Variants in RIMS2 observed in about 807,000 individuals in gnomAD.
RIMS2 encodes the protein regulating synaptic membrane exocytosis 2.
In RIMS2, 59 loss-of-function variants were observed where a neutral mutation model predicts 174.4. The ratio of observed to expected loss-of-function variants is 0.34; its 90% confidence interval spans 0.27 to 0.42. The LOEUF (loss-of-function observed/expected upper bound fraction) is 0.42, where lower values mean the gene tolerates loss of function less well. RIMS2 is among the 10% of genes least tolerant of loss of function. The probability of loss-of-function intolerance (pLI) is 1.00; values close to 1 mark genes in which losing one functional copy is unlikely to be tolerated. For synonymous variants in RIMS2, 606 were observed against 572.5 expected, an observed-to-expected ratio of 1.06 and a Z score of -0.84; for missense variants, 1,620 against 1,666.3, an observed-to-expected ratio of 0.97 and a Z score of 0.48.
chr8:103,824,786 GCTTA>G (rs2098776984), intron 3 of RIMS2, among the ~76,000 whole-genome samples: 1 of 152,134 alleles, frequency 6.6e-6, no homozygotes, highest in Admixed American at 6.5e-5. Context: ...ACGTCCAGCT[GCTTA>G]CTTAAACTCA....
At chr8:103,513,027 T>C (rs866550777) in intron 1 of RIMS2, among the ~76,000 whole-genome samples, 1 of 152,194 alleles carries the variant, frequency 6.6e-6, no homozygotes, top group South Asian at 2.1e-4. Context: ...CTAATTCTTA[T>C]AAGATATAGA....
chr8:103,728,859 T>G (rs2097558486), intron 2 of RIMS2, among the ~76,000 whole-genome samples: 1 of 151,732 alleles, frequency 6.6e-6, no homozygotes, highest in Admixed American at 6.6e-5. Context: ...TTCATTCTGT[T>G]GACATGATGT....
intron 19 of RIMS2, among the ~76,000 whole-genome samples, chr8:104,168,142 T>C (rs2098808696): frequency 6.6e-6 from 1 of 152,182 alleles, no homozygotes; most frequent in Non-Finnish European, 1.5e-5. Flanking sequence ...TTGCTTTGGC[T>C]ATGCAGTCTC....
intron 1 of RIMS2, among the ~76,000 whole-genome samples, chr8:103,668,773 C>T (rs1042833922): frequency 4.6e-5 from 7 of 151,908 alleles, no homozygotes; most frequent in South Asian, 2.1e-4. Context: ...CTTGAACTCC[C>T]GGGCTCAAGC....
intron 1 of RIMS2, among the ~76,000 whole-genome samples, chr8:103,615,037 T>C (rs2095473587): frequency 6.6e-6 from 1 of 152,246 alleles, no homozygotes; most frequent in South Asian, 2.1e-4. Flanking sequence ...TAATTATGTT[T>C]ATATTATATT....
At chr8:103,554,530 A>G (rs1443583392) in intron 1 of RIMS2, among the ~76,000 whole-genome samples, 1 of 152,206 alleles carries the variant, frequency 6.6e-6, no homozygotes, top group African/African-American at 2.4e-5. Context: ...AAGGTCAAAG[A>G]GTAACAGATG....
chr8:104,179,859 T>C (rs2098929764), intron 19 of RIMS2, among the ~76,000 whole-genome samples: 1 of 151,862 alleles, frequency 6.6e-6, no homozygotes, highest in Non-Finnish European at 1.5e-5. Context: ...CTTACTTACC[T>C]ACCTCCTCTG....
intron 3 of RIMS2, among the ~76,000 whole-genome samples, chr8:103,771,924 G>A (rs2098258003): frequency 6.6e-6 from 1 of 151,962 alleles, no homozygotes; most frequent in East Asian, 1.9e-4. Context: ...GACGCTTAAT[G>A]AAAATACCAA....
At chr8:103,595,022 C>T (rs1031401998) in intron 1 of RIMS2, among the ~76,000 whole-genome samples, 2 of 151,570 alleles carry the variant, frequency 1.3e-5, no homozygotes, top group Non-Finnish European at 3.0e-5. Flanking sequence ...AGATTATGTT[C>T]TGTGAGTAGA....
intron 3 of RIMS2, among the ~76,000 whole-genome samples, chr8:103,817,948 A>T (rs1270690945): frequency 1.3e-5 from 2 of 152,058 alleles, no homozygotes; most frequent in Non-Finnish European, 2.9e-5. Flanking sequence ...TGTGTGTTTG[A>T]CAAATAGATT....
intron 1 of RIMS2, among the ~76,000 whole-genome samples, chr8:103,649,128 A>G (rs897177341): frequency 6.6e-6 from 1 of 152,162 alleles, no homozygotes; most frequent in African/African-American, 2.4e-5. Context: ...CTTGCAAGGC[A>G]GGCATGGTGG....
intron 3 of RIMS2, chr8:103,880,477 T>C (rs1454673615): frequency 5.4e-6 from 2 of 373,594 alleles, no homozygotes; most frequent in East Asian, 7.6e-5. Context: ...ATCCTTTGAA[T>C]GAGTGTTGTT....
chr8:103,894,901 G>A (rs570914820), intron 4 of RIMS2, among the ~76,000 whole-genome samples: 1 of 151,396 alleles, frequency 6.6e-6, no homozygotes, highest in Non-Finnish European at 1.5e-5. Context: ...AGTATGCATT[G>A]TTCATTTTCG....
intron 16 of RIMS2, among the ~76,000 whole-genome samples, chr8:103,982,037 C>A (rs867696424): frequency 1.6e-4 from 25 of 151,654 alleles, no homozygotes; most frequent in African/African-American, 5.6e-4. Flanking sequence ...AGAGAGAAGA[C>A]CCAAATAAAC....
intron 15 of RIMS2, among the ~76,000 whole-genome samples, chr8:103,971,056 T>C (rs2092814467): frequency 6.6e-6 from 1 of 152,152 alleles, no homozygotes; most frequent in Admixed American, 6.5e-5. Flanking sequence ...GGAATGGGAA[T>C]GGTTATAAAC....
chr8:104,131,140 A>C (rs2098470570), intron 19 of RIMS2, among the ~76,000 whole-genome samples: 1 of 152,246 alleles, frequency 6.6e-6, no homozygotes, highest in African/African-American at 2.4e-5. Context: ...ATAGTATAAT[A>C]GTGCCTACTT....
chr8:103,893,399 GC>G (rs2099258425), intron 4 of RIMS2, among the ~76,000 whole-genome samples: 3 of 152,064 alleles, frequency 2.0e-5, no homozygotes, highest in Admixed American at 2.0e-4. Flanking sequence ...CAGTTTAGCA[GC>G]AAAACAACTT....
At chr8:103,758,052 A>C (rs1443016976) in intron 2 of RIMS2, among the ~76,000 whole-genome samples, 1 of 152,122 alleles carries the variant, frequency 6.6e-6, no homozygotes, top group Non-Finnish European at 1.5e-5. Flanking sequence ...GGTAATTTGT[A>C]ATTTGAGTCA....
intron 1 of RIMS2, among the ~76,000 whole-genome samples, chr8:103,551,142 C>CA (rs1005096110): frequency 7.3e-5 from 11 of 151,676 alleles, no homozygotes; most frequent in African/African-American, 1.7e-4. Flanking sequence ...AGAGACACAA[C>CA]AAAAAAAAGA....
Sources: allele counts gnomAD v4.1 joint callset (sites outside exome capture counted in the v4.1 genomes callset), GRCh38; gene constraint gnomAD v4.1.1; transcripts MANE v1.5; gene names NCBI Gene and HGNC (gene_info 2026-07-23, HGNC 2026-07-21).